Variants in RALGPS1 observed in about 807,000 individuals in gnomAD.
RALGPS1 encodes the protein ras-specific guanine nucleotide-releasing factor RalGPS1.
RALGPS1 carries 19 observed loss-of-function variants against 78.8 expected under a neutral mutation model. The observed-to-expected ratio is 0.24, with a 90% CI of 0.17 to 0.35. RALGPS1 has a LOEUF of 0.35. Ranked by LOEUF, RALGPS1 falls within the 10% of genes least tolerant of loss-of-function variation. The pLI is 1.00. For synonymous variants in RALGPS1, 228 were observed against 256.3 expected (o/e 0.89, Z 1.06); for missense variants, 454 against 688.3 (o/e 0.66, Z 3.81).
At chr9:127,092,554 G>A (rs939813070) in intron 8 of RALGPS1, among the ~76,000 whole-genome samples, 2 of 152,090 alleles carry the variant, frequency 1.3e-5, no homozygotes, top group African/African-American at 2.4e-5. Flanking sequence ...AGTATTGAGC[G>A]CTTGTGATGT....
chr9:127,213,260 T>C (rs2062382954), intron 17 of RALGPS1, among the ~76,000 whole-genome samples: 1 of 152,246 alleles, frequency 6.6e-6, no homozygotes, highest in African/African-American at 2.4e-5. Context: ...CACAGGGTGC[T>C]GGAATCCTTT....
At chr9:127,199,204 C>A in intron 14 of RALGPS1, 138 bp downstream of exon 14, 1 of 835,314 alleles carries the variant, frequency 1.2e-6, no homozygotes, top group Non-Finnish European at 2.0e-6. Context: ...AGCAGACTGG[C>A]TGGGGCAGGG....
chr9:127,069,488 C>T (rs932113400), intron 8 of RALGPS1, 132 bp downstream of exon 8: 2 of 1,047,814 alleles, frequency 1.9e-6, no homozygotes, highest in Non-Finnish European at 2.7e-6. Context: ...TTGGTTGGCT[C>T]TTTGGGTTGG....
At chr9:127,144,467 A>C (rs1330554203) in intron 8 of RALGPS1, among the ~76,000 whole-genome samples, 1 of 152,210 alleles carries the variant, frequency 6.6e-6, no homozygotes, top group Non-Finnish European at 1.5e-5. Context: ...TTTAAGTAAA[A>C]AATCATGTAG....
chr9:126,961,848 G>A (rs192554281), intron 1 of RALGPS1, among the ~76,000 whole-genome samples: 63 of 152,224 alleles, frequency 4.1e-4, no homozygotes, highest in African/African-American at 1.4e-3. Flanking sequence ...GGCCAGGCAC[G>A]CACTGAAATG....
intron 4 of RALGPS1, among the ~76,000 whole-genome samples, chr9:126,986,666 C>A (rs553920660): frequency 6.6e-6 from 1 of 152,306 alleles, no homozygotes; most frequent in South Asian, 2.1e-4. Flanking sequence ...TAGCATGGAG[C>A]AGCATCAAGG....
intron 5 of RALGPS1, among the ~76,000 whole-genome samples, chr9:127,036,835 T>C (rs1471998957): frequency 1.3e-5 from 2 of 152,244 alleles, no homozygotes; most frequent in African/African-American, 4.8e-5. Context: ...CAGTATCACA[T>C]ATGAATGTTC....
chr9:127,201,686 C>A (rs1034236149), intron 14 of RALGPS1, among the ~76,000 whole-genome samples: 2 of 152,108 alleles, frequency 1.3e-5, no homozygotes, highest in African/African-American at 2.4e-5. Flanking sequence ...CTTCATGGGC[C>A]CGATGCTTAG....
chr9:127,048,216 C>T (rs933325338), intron 5 of RALGPS1, among the ~76,000 whole-genome samples: 7 of 152,130 alleles, frequency 4.6e-5, no homozygotes, highest in African/African-American at 1.7e-4. Flanking sequence ...CACTCACAAC[C>T]CCCACCCACA....
At chr9:127,039,739 A>G (rs980584870) in intron 5 of RALGPS1, among the ~76,000 whole-genome samples, 1 of 152,140 alleles carries the variant, frequency 6.6e-6, no homozygotes, top group Non-Finnish European at 1.5e-5. Context: ...TGTAGGTGCA[A>G]TACAAGGAGA....
chr9:127,028,639 A>G (rs1458031377), intron 4 of RALGPS1, among the ~76,000 whole-genome samples: 2 of 152,144 alleles, frequency 1.3e-5, no homozygotes, highest in Admixed American at 1.3e-4. Context: ...CAGCCCCTGC[A>G]CCCACTGCTC....
At chr9:127,157,622 T>A (rs1290707813) in intron 8 of RALGPS1, among the ~76,000 whole-genome samples, 1 of 152,136 alleles carries the variant, frequency 6.6e-6, no homozygotes. Context: ...TTGCCCTTTT[T>A]TTCCATTGTG....
At chr9:127,188,983 G>T in intron 11 of RALGPS1, among the ~76,000 whole-genome samples, 1 of 114,802 alleles carries the variant, frequency 8.7e-6, no homozygotes, top group Admixed American at 1.2e-4. Flanking sequence ...CTGGGCGACA[G>T]AGCAAGACTG....
Position 127,108,567 on chromosome 9 carries a change from G to C in RALGPS1, c.610+39211G>C, listed in dbSNP as rs1485985482. 5 of 1,613,412 alleles carry C rather than the reference G, an allele frequency of 3.1e-6. No homozygotes were observed. The East Asian group carries it at 8.9e-5, about 29-fold the overall frequency. ...GCTGCTGGGGCACAATGAAGGTGTA[G>C]GTGCACTTGTCCTGGGACTCGCCCG... is the stretch of plus-strand genomic sequence containing the variant. On this transcript the variant is annotated intron_variant, in intron 8 of 18. Transcript: ENST00000259351.
intron 11 of RALGPS1, among the ~76,000 whole-genome samples, chr9:127,184,806 G>A (rs773282551): frequency 1.3e-5 from 2 of 152,220 alleles, no homozygotes; most frequent in Non-Finnish European, 2.9e-5. Flanking sequence ...CCCAAGTCTT[G>A]TGACTCCAAG....
chr9:126,924,283 G>A (rs577733778), intron 1 of RALGPS1, among the ~76,000 whole-genome samples: 2 of 152,354 alleles, frequency 1.3e-5, no homozygotes, highest in East Asian at 1.9e-4. Flanking sequence ...TGACTGTATA[G>A]GAAAAGGATG....
At chr9:127,172,742 T>A (rs2059629920) in intron 10 of RALGPS1, among the ~76,000 whole-genome samples, 3 of 152,190 alleles carry the variant, frequency 2.0e-5, no homozygotes, top group Admixed American at 2.0e-4. Flanking sequence ...ATTCCTTTGT[T>A]TTAGCATCTC....
intron 1 of RALGPS1, among the ~76,000 whole-genome samples, chr9:126,960,164 TTCCC>T (rs1201890808): frequency 2.7e-4 from 34 of 127,580 alleles, no homozygotes; most frequent in Admixed American, 7.7e-4. Context: ...CTTCCCTTCC[TTCCC>T]TCCCTCCCTC....
At chr9:127,022,004 A>T (rs942750872) in intron 4 of RALGPS1, among the ~76,000 whole-genome samples, 18 of 152,228 alleles carry the variant, frequency 1.2e-4, no homozygotes, top group African/African-American at 4.3e-4. Context: ...AGCAGATGGT[A>T]GCTTGAGGAT....
Sources: allele counts gnomAD v4.1 joint callset (sites outside exome capture counted in the v4.1 genomes callset), GRCh38; gene constraint gnomAD v4.1.1; transcripts MANE v1.5; gene names NCBI Gene and HGNC (gene_info 2026-07-23, HGNC 2026-07-21).